The following TMEM230 variants were observed in gnomAD, a reference collection of about 807,000 sequenced individuals.
The protein encoded by TMEM230 is UPF0414 transmembrane protein C20orf30.
In TMEM230, 10 loss-of-function variants were observed where a neutral mutation model predicts 15.8. The ratio of observed to expected loss-of-function variants is 0.63; its 90% CI spans 0.39 to 1.07. The LOEUF (loss-of-function observed/expected upper bound fraction) is 1.07. Among genes scored for constraint, TMEM230 ranks in the 50% least tolerant of loss-of-function variants. TMEM230 has a pLI of 0.01. For missense variants in TMEM230, 165 were observed against 193.3 expected (o/e 0.85, Z 0.87); for synonymous variants, 67 against 76.9 (o/e 0.87, Z 0.68).
intron 1 of TMEM230, chr20:5,112,592 T>C: frequency 3.8e-6 from 3 of 799,860 alleles, no homozygotes; most frequent in Non-Finnish European, 5.1e-6. Context: ...TTTCAAAGTA[T>C]CAGTCTTCGT....
downstream of TMEM230, among the ~76,000 whole-genome samples, chr20:5,063,782 T>C (rs1423687596): frequency 7.0e-6 from 1 of 142,664 alleles, no homozygotes; most frequent in Non-Finnish European, 1.5e-5. Context: ...ATAACAAAAA[T>C]CCAAAAAATT....
chr20:5,080,814 G>A (rs911111), intron 3 of TMEM230, among the ~76,000 whole-genome samples: 82,712 of 152,024 alleles, frequency 0.54, 23,036 homozygotes, highest in East Asian at 0.84. Context: ...AGCTGGGATT[G>A]TAGGCATGAG....
intron 3 of TMEM230, among the ~76,000 whole-genome samples, chr20:5,076,676 C>CTTTTTTTTTTTTTTTTTTT (rs763498321): frequency 7.8e-6 from 1 of 127,482 alleles, no homozygotes; most frequent in African/African-American, 3.1e-5. Flanking sequence ...GATTGATATT[C>CTTTTTTTTTTTTTTTTTTT]TTTTTTTTTT....
At chr20:5,103,274 C>T (rs968931912) in intron 4 of TMEM230, among the ~76,000 whole-genome samples, 1 of 151,878 alleles carries the variant, frequency 6.6e-6, no homozygotes, top group African/African-American at 2.4e-5. Context: ...CCAGCCTGGG[C>T]AACATAATGA....
At chr20:5,112,876 T>C in intron 1 of TMEM230, 85 bp downstream of exon 1, 3 of 1,548,110 alleles carry the variant, frequency 1.9e-6, no homozygotes, top group Admixed American at 2.0e-5. Context: ...ACTCGGAGCT[T>C]GATTTCGGCG....
chr20:5,085,169 G>C (rs1350540785), intron 3 of TMEM230, among the ~76,000 whole-genome samples: 1 of 152,022 alleles, frequency 6.6e-6, no homozygotes, highest in Non-Finnish European at 1.5e-5. Flanking sequence ...CATCCTCTCT[G>C]ATCTCACCGT....
At chr20:5,101,596 ATTTG>A (rs1299253629) in intron 4 of TMEM230, among the ~76,000 whole-genome samples, 4 of 151,682 alleles carry the variant, frequency 2.6e-5, no homozygotes. Flanking sequence ...CATTTTGTAC[ATTTG>A]TTTGTTTGGT....
chr20:5,103,200 G>A (rs1046917066), intron 4 of TMEM230, among the ~76,000 whole-genome samples: 1 of 152,164 alleles, frequency 6.6e-6, no homozygotes, highest in Non-Finnish European at 1.5e-5. Context: ...AGTGGCTAAA[G>A]CCTGTAATTC....
rs182779962 is a variant in TMEM230 at position 5,084,513 on chromosome 20, C to T, written c.223-15164G>A. 4.3e-4 allele frequency among the ~76,000 whole-genome samples: 65 copies of T among 151,634 alleles called. No individual in the cohort carries two copies. In the South Asian group the frequency reaches 5.6e-3, roughly 13 times the overall value. On this transcript the variant is annotated intron_variant, in intron 3 of 3. Coordinates refer to the TMEM230 transcript ENST00000612323. ...CTGGGATTACAGGCATGAGCCACTG[C>T]GCCCGTCTTCTATTTTAATTTTTAT...
downstream of TMEM230, among the ~76,000 whole-genome samples, chr20:5,094,859 C>T (rs2122680237): frequency 6.6e-6 from 1 of 152,236 alleles, no homozygotes; most frequent in South Asian, 2.1e-4. Context: ...CTAAGGCTTA[C>T]ACTTTTCTGA....
intron 4 of TMEM230, among the ~76,000 whole-genome samples, chr20:5,102,410 G>T (rs1462578669): frequency 6.6e-6 from 1 of 152,172 alleles, no homozygotes; most frequent in African/African-American, 2.4e-5. Context: ...TTAATACTTG[G>T]CTGGGCATGG....
At chr20:5,080,263 A>G (rs567924492) in intron 3 of TMEM230, among the ~76,000 whole-genome samples, 17 of 152,296 alleles carry the variant, frequency 1.1e-4, no homozygotes, top group Middle Eastern at 3.4e-3. Context: ...AAGAAGAAAA[A>G]TCCTCTTGGT....
intron 3 of TMEM230, among the ~76,000 whole-genome samples, chr20:5,069,666 T>C (rs2088761861): frequency 6.6e-6 from 1 of 151,894 alleles, no homozygotes; most frequent in Non-Finnish European, 1.5e-5. Context: ...TCCTCTCCCC[T>C]TTCCTTTCTT....
At chr20:5,093,736 CCATGTTGGCCAGGCTGGT>C (rs2089581162) in intron 3 of TMEM230, among the ~76,000 whole-genome samples, 1 of 151,974 alleles carries the variant, frequency 6.6e-6, no homozygotes, top group South Asian at 2.1e-4. Flanking sequence ...ACAGGGTTTG[CCATGTTGGCCAGGCTGGT>C]CTTCAGCTCC....
intron 3 of TMEM230, among the ~76,000 whole-genome samples, chr20:5,071,633 A>C (rs573840274): frequency 0.011 from 147 of 13,140 alleles, 5 homozygotes; most frequent in Non-Finnish European, 0.058. Context: ...CAAAAAAAAA[A>C]AAAAACAAAA....
intron 3 of TMEM230, among the ~76,000 whole-genome samples, chr20:5,081,450 G>A (rs540853902): frequency 3.3e-5 from 5 of 152,302 alleles, no homozygotes; most frequent in Admixed American, 6.5e-5. Context: ...TGGTTCTCAC[G>A]CACCCCGGCG....
intron 3 of TMEM230, among the ~76,000 whole-genome samples, chr20:5,073,963 G>T (rs2088908247): frequency 6.6e-6 from 1 of 152,182 alleles, no homozygotes; most frequent in African/African-American, 2.4e-5. Context: ...TCAGGGAGCT[G>T]CCACTCATGG....
chr20:5,089,186 A>AACACGGTGAAAGCCTGTCT (rs1393211377), intron 3 of TMEM230, among the ~76,000 whole-genome samples: 2 of 152,158 alleles, frequency 1.3e-5, no homozygotes, highest in East Asian at 3.9e-4. Context: ...CATCCTGGCT[A>AACACGGTGAAAGCCTGTCT]ACACGGTGAA....
chr20:5,087,903 G>A (rs2089393979), intron 3 of TMEM230, among the ~76,000 whole-genome samples: 1 of 149,530 alleles, frequency 6.7e-6, no homozygotes, highest in Admixed American at 6.6e-5. Context: ...ATGTTGGCCA[G>A]GTGAGTCTCA....
Sources: allele counts gnomAD v4.1 joint callset (sites outside exome capture counted in the v4.1 genomes callset), GRCh38; gene constraint gnomAD v4.1.1; transcripts MANE v1.5; gene names NCBI Gene and HGNC (gene_info 2026-07-23, HGNC 2026-07-21).